Variants in ZPBP observed in about 807,000 individuals in gnomAD.
ZPBP encodes zona pellucida-binding protein 1.
Under a neutral mutation model 44.8 loss-of-function variants are expected in ZPBP, and 26 were observed. The ratio of observed to expected loss-of-function variants is 0.58; its 90% CI spans 0.43 to 0.81. ZPBP has a LOEUF of 0.81. ZPBP is among the 30% of genes least tolerant of loss of function. The pLI is 0.00. For synonymous variants in ZPBP, 174 were observed against 153.2 expected, an observed-to-expected ratio of 1.14 and a Z score of -1.00; for missense variants, 409 against 434.0, an observed-to-expected ratio of 0.94 and a Z score of 0.51.
At chr7:49,865,954 C>T (rs913917521) in intron 2 of ZPBP, among the ~76,000 whole-genome samples, 2 of 152,208 alleles carry the variant, frequency 1.3e-5, no homozygotes, top group African/African-American at 4.8e-5. Flanking sequence ...TACTCGGCAC[C>T]ATCTTAAATT....
chr7:50,016,410 G>A (rs1798824250), intron 6 of ZPBP, among the ~76,000 whole-genome samples: 1 of 152,022 alleles, frequency 6.6e-6, no homozygotes, highest in Non-Finnish European at 1.5e-5. Flanking sequence ...GCTTACTTGA[G>A]GGTGGAAGGT....
At chr7:49,939,488 TATTTAA>T (rs1238097858) in intron 7 of ZPBP, among the ~76,000 whole-genome samples, 3 of 152,134 alleles carry the variant, frequency 2.0e-5, no homozygotes, top group Non-Finnish European at 4.4e-5. Context: ...GTTAAAATGT[TATTTAA>T]ATTTAAAGTA....
chr7:50,090,894 T>C (rs1190667613), intron 1 of ZPBP, among the ~76,000 whole-genome samples: 3 of 152,190 alleles, frequency 2.0e-5, no homozygotes, highest in African/African-American at 7.2e-5. Flanking sequence ...CTCCACAATT[T>C]TCCATAGTGG....
intron 1 of ZPBP, among the ~76,000 whole-genome samples, chr7:49,925,706 T>C (rs1231894913): frequency 2.6e-5 from 4 of 152,230 alleles, no homozygotes; most frequent in Non-Finnish European, 4.4e-5. Flanking sequence ...GCCTCAGACC[T>C]CCTTGTCTCC....
chr7:49,972,466 A>C (rs2128770952), intron 7 of ZPBP, among the ~76,000 whole-genome samples: 1 of 152,204 alleles, frequency 6.6e-6, no homozygotes, highest in Non-Finnish European at 1.5e-5. Context: ...AATGGAATTT[A>C]AGAAAACTCC....
chr7:49,988,438 T>A (rs1461902914), intron 6 of ZPBP, among the ~76,000 whole-genome samples: 3 of 152,216 alleles, frequency 2.0e-5, no homozygotes, highest in African/African-American at 7.2e-5. Flanking sequence ...GCCAAAATGA[T>A]GCTTAATCTT....
intron 6 of ZPBP, among the ~76,000 whole-genome samples, chr7:49,999,709 T>C (rs1798011405): frequency 6.6e-6 from 1 of 151,652 alleles, no homozygotes; most frequent in South Asian, 2.1e-4. Flanking sequence ...TCCTCCCTTC[T>C]TCTATTTTGT....
In ZPBP at chr7:50,009,704, C is replaced by A. The variant is rs149089050; in HGVS notation, c.783+8536G>T. On this transcript the variant is annotated intron_variant, in intron 6 of 7. Coordinates refer to ENST00000046087, the MANE Select transcript of ZPBP (RefSeq NM_007009.3). Reference sequence around the variant, plus strand: ...ACAATGAAACTATCTCAGTTTACAGCTGACGTAATTGTGATAGAAAATCCC... The same window carrying A: ...ACAATGAAACTATCTCAGTTTACAGATGACGTAATTGTGATAGAAAATCCC... 4.9e-4 allele frequency among the ~76,000 whole-genome samples: 75 copies of A among 152,058 alleles called. 1 individual carries two copies. The highest frequency in any genetic ancestry group is 1.6e-3 in the African/African-American group (67 of 41,482).
chr7:49,867,029 T>A (rs1447073477), intron 2 of ZPBP, among the ~76,000 whole-genome samples: 1 of 152,178 alleles, frequency 6.6e-6, no homozygotes. Flanking sequence ...TCAGGACTGA[T>A]CTCATTATCT....
chr7:50,055,963 T>G (rs1003550077), intron 4 of ZPBP, among the ~76,000 whole-genome samples: 13 of 152,224 alleles, frequency 8.5e-5, no homozygotes, highest in African/African-American at 3.1e-4. Context: ...TTTAAACAAA[T>G]TATTTGCCTA....
chr7:50,006,861 G>A (rs1428491213), intron 6 of ZPBP, among the ~76,000 whole-genome samples: 1 of 151,998 alleles, frequency 6.6e-6, no homozygotes, highest in African/African-American at 2.4e-5. Context: ...AAGTGAAGAA[G>A]TACAACCCAT....
intron 4 of ZPBP, among the ~76,000 whole-genome samples, chr7:50,039,602 AAAG>A: frequency 6.6e-6 from 1 of 152,280 alleles, no homozygotes; most frequent in South Asian, 2.1e-4. Flanking sequence ...TAATAACACA[AAAG>A]AGGTGGGTGA....
intron 5 of ZPBP, among the ~76,000 whole-genome samples, chr7:50,029,758 C>A (rs1006779517): frequency 2.0e-5 from 3 of 152,138 alleles, no homozygotes; most frequent in Non-Finnish European, 4.4e-5. Flanking sequence ...GCAAATCAAG[C>A]CCATAATGCT....
intron 7 of ZPBP, among the ~76,000 whole-genome samples, chr7:49,979,276 T>C (rs1005305917): frequency 1.3e-5 from 2 of 152,008 alleles, no homozygotes; most frequent in African/African-American, 2.4e-5. Flanking sequence ...ATTTTCTTTA[T>C]ATAATCTTCT....
intron 2 of ZPBP, among the ~76,000 whole-genome samples, chr7:49,852,090 G>A (rs1179627293): frequency 6.6e-6 from 1 of 152,208 alleles, no homozygotes; most frequent in Non-Finnish European, 1.5e-5. Context: ...GCCCGACAGA[G>A]GCCAGCAGGC....
chr7:49,945,980 G>A (rs1320909342), intron 7 of ZPBP, among the ~76,000 whole-genome samples: 2 of 151,844 alleles, frequency 1.3e-5, no homozygotes, highest in African/African-American at 4.8e-5. Flanking sequence ...TATCCGTTGT[G>A]TTTTTTGATT....
chr7:49,975,003 ACCCAGTGG>A (rs1796445857), intron 7 of ZPBP, among the ~76,000 whole-genome samples: 1 of 152,030 alleles, frequency 6.6e-6, no homozygotes, highest in African/African-American at 2.4e-5. Flanking sequence ...TATCCTCTAG[ACCCAGTGG>A]CATTCCCTCC....
At chr7:49,929,929 C>T (rs919323572) in intron 1 of ZPBP, among the ~76,000 whole-genome samples, 1 of 152,146 alleles carries the variant, frequency 6.6e-6, no homozygotes, top group African/African-American at 2.4e-5. Flanking sequence ...CATTCAAAGT[C>T]CTTGTCCCCT....
intron 7 of ZPBP, among the ~76,000 whole-genome samples, chr7:49,982,997 A>G (rs1340499328): frequency 6.6e-6 from 1 of 152,052 alleles, no homozygotes; most frequent in Non-Finnish European, 1.5e-5. Flanking sequence ...ACTGTAGACT[A>G]TACAAACCTA....
Sources: gnomAD v4.1 joint callset for allele counts (sites outside exome capture counted in the v4.1 genomes callset) on GRCh38, gnomAD v4.1.1 for gene constraint, MANE v1.5 for transcripts, NCBI Gene and HGNC (gene_info 2026-07-23, HGNC 2026-07-21) for gene names.